The following RNF216 variants were observed in gnomAD, a reference collection of about 807,000 sequenced individuals.
RNF216 encodes the protein E3 ubiquitin-protein ligase RNF216.
A neutral mutation model predicts 110.8 loss-of-function variants in RNF216; 72 were observed. The ratio of observed to expected loss-of-function variants is 0.65; its 90% CI spans 0.54 to 0.79. The LOEUF is 0.79. Ranked by LOEUF, RNF216 falls within the 30% of genes least tolerant of loss-of-function variation. The probability of loss-of-function intolerance (pLI) is 0.00; values close to 1 mark genes in which losing one functional copy is unlikely to be tolerated. For missense variants in RNF216, 1,342 were observed against 1,141.2 expected (o/e 1.18, Z -2.54); for synonymous variants, 495 against 407.5 (o/e 1.21, Z -2.59).
chr7:5,630,621 G>A (rs1787010711), intron 15 of RNF216, among the ~76,000 whole-genome samples: 2 of 152,072 alleles, frequency 1.3e-5, no homozygotes, highest in African/African-American at 2.4e-5. Flanking sequence ...TCAAACTCCT[G>A]GCCTCAAGCC....
At chr7:5,643,140 T>C (rs578186796) in intron 14 of RNF216, among the ~76,000 whole-genome samples, 1 of 152,234 alleles carries the variant, frequency 6.6e-6, no homozygotes, top group African/African-American at 2.4e-5. Flanking sequence ...CAACTCAACA[T>C]TGCTGAAATG....
intron 3 of RNF216, among the ~76,000 whole-genome samples, chr7:5,751,020 T>G (rs1795301528): frequency 6.6e-6 from 1 of 152,224 alleles, no homozygotes; most frequent in Non-Finnish European, 1.5e-5. Flanking sequence ...CTATTTGGTT[T>G]TAGTTGGGGC....
intron 13 of RNF216, among the ~76,000 whole-genome samples, chr7:5,660,780 G>A (rs1002141654): frequency 7.3e-5 from 11 of 150,524 alleles, no homozygotes; most frequent in Admixed American, 6.6e-4. Context: ...ATGTTGCCCA[G>A]GCTGGTCTCA....
chr7:5,684,843 A>C (rs1790876324), intron 13 of RNF216, among the ~76,000 whole-genome samples: 1 of 152,024 alleles, frequency 6.6e-6, no homozygotes, highest in South Asian at 2.1e-4. Flanking sequence ...TAAGGTGATG[A>C]AAAGAGAGGT....
intron 1 of RNF216, among the ~76,000 whole-genome samples, chr7:5,774,379 A>G (rs1796661935): frequency 6.6e-6 from 1 of 152,224 alleles, no homozygotes; most frequent in Non-Finnish European, 1.5e-5. Context: ...TCAATGCTGC[A>G]AGTAAGCTAT....
chr7:5,644,813 T>A (rs1344269283), intron 14 of RNF216, among the ~76,000 whole-genome samples: 1 of 150,782 alleles, frequency 6.6e-6, no homozygotes, highest in Non-Finnish European at 1.5e-5. Context: ...GCTGTTTGCC[T>A]ATTTTCTTTT....
At chr7:5,691,394 C>T (rs1791330350) in intron 13 of RNF216, among the ~76,000 whole-genome samples, 1 of 152,074 alleles carries the variant, frequency 6.6e-6, no homozygotes, top group Non-Finnish European at 1.5e-5. Flanking sequence ...CTGGATTGCT[C>T]CAGGCCCATT....
intron 4 of RNF216, chr7:5,739,637 G>A: frequency 3.9e-6 from 2 of 518,418 alleles, no homozygotes; most frequent in South Asian, 1.5e-5. Context: ...TAGACAAAGG[G>A]AATCCAAACA....
chr7:5,635,535 T>C (rs1787347441), intron 15 of RNF216, among the ~76,000 whole-genome samples: 2 of 152,216 alleles, frequency 1.3e-5, no homozygotes, highest in African/African-American at 4.8e-5. Flanking sequence ...TTTCACAGCC[T>C]TCCTCCCTAA....
chr7:5,672,849 G>C (rs1481612763), intron 13 of RNF216, among the ~76,000 whole-genome samples: 1 of 152,258 alleles, frequency 6.6e-6, no homozygotes, highest in Admixed American at 6.5e-5. Context: ...CTAGGACACA[G>C]GGACACAGGC....
intron 2 of RNF216, among the ~76,000 whole-genome samples, chr7:5,754,223 A>T (rs948357842): frequency 6.6e-6 from 1 of 151,608 alleles, no homozygotes; most frequent in Non-Finnish European, 1.5e-5. Flanking sequence ...TGGTGCGATC[A>T]TAGCTCACTG....
intron 15 of RNF216, among the ~76,000 whole-genome samples, chr7:5,627,382 G>A (rs1316107345): frequency 2.6e-5 from 4 of 152,138 alleles, no homozygotes; most frequent in African/African-American, 9.7e-5. Flanking sequence ...AGGGCCTCAC[G>A]TCTCTGCTAT....
chr7:5,642,767 C>T (rs1209665891), intron 14 of RNF216, among the ~76,000 whole-genome samples: 1 of 152,238 alleles, frequency 6.6e-6, no homozygotes, highest in African/African-American at 2.4e-5. Flanking sequence ...GCGTGAGCCA[C>T]TGCGCCCAGC....
intron 15 of RNF216, among the ~76,000 whole-genome samples, chr7:5,626,835 A>T (rs1468245203): frequency 6.6e-6 from 1 of 152,218 alleles, no homozygotes; most frequent in Non-Finnish European, 1.5e-5. Context: ...AATGAGCTCA[A>T]GTATGTAAAG....
chr7:5,708,403 T>C (rs1251296404), intron 13 of RNF216, among the ~76,000 whole-genome samples: 2 of 152,234 alleles, frequency 1.3e-5, no homozygotes, highest in African/African-American at 2.4e-5. Context: ...TTGGGTGCAC[T>C]GATGTCGGGT....
chr7:5,648,349 C>T (rs1481657820), intron 14 of RNF216, among the ~76,000 whole-genome samples: 2 of 151,608 alleles, frequency 1.3e-5, no homozygotes, highest in African/African-American at 2.4e-5. Context: ...TCAGGTGATC[C>T]GCCTGCCTCA....
intron 13 of RNF216, among the ~76,000 whole-genome samples, chr7:5,673,738 G>A (rs1352376456): frequency 6.6e-6 from 1 of 152,164 alleles, no homozygotes; most frequent in Non-Finnish European, 1.5e-5. Flanking sequence ...TTAGCTGGGT[G>A]CAGTGGTGCG....
intron 13 of RNF216, among the ~76,000 whole-genome samples, chr7:5,672,293 G>A (rs1364444089): frequency 6.6e-6 from 1 of 152,166 alleles, no homozygotes; most frequent in African/African-American, 2.4e-5. Context: ...CTAAATACAT[G>A]TTTACTTTGG....
At chr7:5,763,694 A>C (rs1347550033) in intron 1 of RNF216, among the ~76,000 whole-genome samples, 1 of 152,078 alleles carries the variant, frequency 6.6e-6, no homozygotes, top group East Asian at 1.9e-4. Context: ...CCTCAGCCTC[A>C]GAGTAGCTGG....
Sources: allele counts gnomAD v4.1 joint callset (sites outside exome capture counted in the v4.1 genomes callset), GRCh38; gene constraint gnomAD v4.1.1; transcripts MANE v1.5; gene names NCBI Gene and HGNC (gene_info 2026-07-23, HGNC 2026-07-21).